ATP7A: variants seen among roughly 807,000 people sequenced by gnomAD.
ATP7A encodes the protein copper-transporting ATPase 1.
A neutral mutation model predicts 83.5 loss-of-function variants in ATP7A; 7 were observed. That is an observed-to-expected ratio of 0.08 (90% CI 0.05 to 0.16). ATP7A has a LOEUF of 0.16. Among genes scored for constraint, ATP7A ranks in the 10% least tolerant of loss-of-function variants. ATP7A has a pLI of 1.00. For synonymous variants in ATP7A, 354 were observed against 395.2 expected (o/e 0.90, Z 1.24); for missense variants, 940 against 1,120.8 (o/e 0.84, Z 2.30).
chrX:77,995,864 C>T (rs1264836221), intron 4 of ATP7A, among the ~76,000 whole-genome samples: 1 of 110,967 alleles, frequency 9.0e-6, no homozygotes, highest in Non-Finnish European at 1.9e-5. Context: ...CTGTCTCAGC[C>T]TCCCAAGTAG....
At chrX:77,929,926 C>T (rs1300495798) in intron 1 of ATP7A, among the ~76,000 whole-genome samples, 2 of 112,079 alleles carry the variant, frequency 1.8e-5, no homozygotes, top group East Asian at 5.6e-4. Context: ...AGCTCTCGTC[C>T]TTCACAAAAC....
At chrX:78,043,814 C>T (rs782791944) in intron 21 of ATP7A, among the ~76,000 whole-genome samples, 28 of 105,781 alleles carry the variant, frequency 2.6e-4, no homozygotes, top group African/African-American at 8.2e-4. Flanking sequence ...CCCGCCACAA[C>T]GCCCAACTAA....
chrX:77,968,963 G>A (rs2077526466), intron 1 of ATP7A: 3 of 1,210,842 alleles, frequency 2.5e-6, no homozygotes, highest in African/African-American at 3.5e-5. Context: ...GGCTTGATAG[G>A]CTTCAAGTTC....
intron 1 of ATP7A, among the ~76,000 whole-genome samples, chrX:77,945,279 G>A (rs782530002): frequency 2.7e-5 from 3 of 111,928 alleles, no homozygotes; most frequent in East Asian, 5.6e-4. Context: ...CCTGGCTCAG[G>A]TGATCCTCCC....
intron 12 of ATP7A, among the ~76,000 whole-genome samples, chrX:78,018,506 A>G (rs1163195901): frequency 1.8e-5 from 2 of 111,298 alleles, no homozygotes; most frequent in East Asian, 5.7e-4. Context: ...CTCTGTTACA[A>G]AAACAAAAAA....
In ATP7A at chrX:78,033,594, C is replaced by T. The variant is rs1557237410; in HGVS notation, c.3295-11C>T. On this transcript the variant is annotated splice_polypyrimidine_tract_variant and intron_variant, in intron 16 of 22. Coordinates refer to ENST00000341514, the MANE Select transcript of ATP7A (RefSeq NM_000052.7). ...AACAGTAGAGGAAATCCTTTTGTTT[C>T]TGTTTGTTAGGAGCTGGACACTGAA... is the stretch of plus-strand genomic sequence containing the variant. The T allele has an allele frequency of 8.3e-7, 1 of 1,207,264 alleles. No individual in the cohort carries two copies.
rs782550895 is a variant in ATP7A, at chrX:77,988,114, A to G, written c.121-128A>G. The G allele has an allele frequency of 1.5e-4, 111 of 761,392 alleles. 1 individual carries two copies. The South Asian group carries it at 3.1e-3, about 22-fold the overall frequency. The allele number at this position is 761,392 out of a possible 1,213,427, so 62.7% of individuals were successfully genotyped here. On this transcript the variant is annotated intron_variant, in intron 2 of 22. Coordinates refer to ENST00000341514, the MANE Select transcript of ATP7A (RefSeq NM_000052.7). ...CTTTCTAACAAGAAGAGTAAAAATG[A>G]AAACTAATAGGGAAACTCCATTAGA... is the stretch of plus-strand genomic sequence containing the variant.
intron 2 of ATP7A, among the ~76,000 whole-genome samples, chrX:77,987,556 A>G (rs1362539842): frequency 1.8e-5 from 2 of 109,465 alleles, no homozygotes; most frequent in African/African-American, 3.3e-5. Flanking sequence ...AATTATATGC[A>G]GTAACTAAGC....
intron 1 of ATP7A, among the ~76,000 whole-genome samples, chrX:77,932,678 A>G (rs952334280): frequency 5.8e-4 from 65 of 112,937 alleles, no homozygotes; most frequent in Non-Finnish European, 9.2e-4. Flanking sequence ...CGAGGCTGGC[A>G]GATCACTCGC....
chrX:77,934,963 A>G (rs994503219), intron 1 of ATP7A, among the ~76,000 whole-genome samples: 3 of 107,740 alleles, frequency 2.8e-5, no homozygotes, highest in Non-Finnish European at 5.7e-5. Context: ...GCACCACCAC[A>G]CCTGGCTTTT....
chrX:77,958,916 G>A (rs1226932578), intron 1 of ATP7A, among the ~76,000 whole-genome samples: 2 of 106,841 alleles, frequency 1.9e-5, no homozygotes, highest in Non-Finnish European at 3.8e-5. Flanking sequence ...AGCCTCCCAA[G>A]TAGCTAGGAT....
chrX:78,001,552 T>C (rs1557233142), intron 5 of ATP7A, among the ~76,000 whole-genome samples: 1 of 111,885 alleles, frequency 8.9e-6, no homozygotes, highest in East Asian at 2.8e-4. Context: ...GTCCTATTCA[T>C]TCTTTTTATT....
intron 2 of ATP7A, among the ~76,000 whole-genome samples, chrX:77,986,775 A>G (rs910105956): frequency 2.8e-4 from 31 of 111,679 alleles, no homozygotes; most frequent in African/African-American, 9.1e-4. Context: ...TTGCAATTGC[A>G]GTAGCCTCCT....
chrX:77,995,567 C>CAAAAAAA (rs1232051931), intron 4 of ATP7A, among the ~76,000 whole-genome samples: 1 of 35,024 alleles, frequency 2.9e-5, no homozygotes, highest in Non-Finnish European at 4.9e-5. Flanking sequence ...GACTCCATCT[C>CAAAAAAA]AAAAAAAAAA....
intron 15 of ATP7A, among the ~76,000 whole-genome samples, 177 bp downstream of exon 15, chrX:78,029,621 C>A (rs1241948399): frequency 8.9e-6 from 1 of 111,851 alleles, no homozygotes; most frequent in Non-Finnish European, 1.9e-5. Flanking sequence ...TCAGATTGGC[C>A]TTTGTTACCT....
At chrX:78,015,026 A>C (rs1439491680) in intron 11 of ATP7A, among the ~76,000 whole-genome samples, 1 of 112,185 alleles carries the variant, frequency 8.9e-6, no homozygotes, top group African/African-American at 3.2e-5. Flanking sequence ...ATACTACCGT[A>C]CTGTACCTAA....
chrX:78,009,035 A>AATT, intron 6 of ATP7A, 67 bp from the exon 7 acceptor site: 1 of 1,060,441 alleles, frequency 9.4e-7, no homozygotes. Flanking sequence ...AAAAAAAAAA[A>AATT]GTGGTAACTC....
rs367719862 is a variant in ATP7A at position 78,045,592 on chromosome X, C to T, written c.4226+20C>T. On this transcript the variant is annotated intron_variant, in intron 22 of 22. Coordinates refer to ENST00000341514, the MANE Select transcript of ATP7A (RefSeq NM_000052.7). ...TAAACTGTAAGTATGATAGCTTGCT[C>T]ACATTTGTATTTTGTATTCCTGTTA... 4 of 1,147,731 alleles carry T rather than the reference C, an allele frequency of 3.5e-6. No homozygotes were observed. The African/African-American group carries it at 7.1e-5, about 20-fold the overall frequency. 94.6% of individuals were successfully genotyped at this position (1,147,731 alleles called of 1,213,427 possible). A position where few individuals can be genotyped will look rare whatever the true frequency, so the allele number is the denominator to read the frequency against.
chrX:77,939,583 CAG>C (rs1305956992), intron 1 of ATP7A, among the ~76,000 whole-genome samples: 2 of 110,697 alleles, frequency 1.8e-5, no homozygotes, highest in African/African-American at 6.6e-5. Context: ...GTAAAATAAA[CAG>C]ATATACATTT....
Sources: allele counts gnomAD v4.1 joint callset (sites outside exome capture counted in the v4.1 genomes callset), GRCh38; gene constraint gnomAD v4.1.1; transcripts MANE v1.5; gene names NCBI Gene and HGNC (gene_info 2026-07-23, HGNC 2026-07-21).